Variants in ERGIC3 observed in about 807,000 individuals in gnomAD.
ERGIC3 encodes the protein endoplasmic reticulum-Golgi intermediate compartment protein 3.
ERGIC3 carries 33 observed loss-of-function variants against 54.7 expected under a neutral mutation model. That is an observed-to-expected ratio of 0.60 (90% CI 0.46 to 0.81). ERGIC3 has a LOEUF of 0.81. ERGIC3 is among the 30% of genes least tolerant of loss of function. ERGIC3 has a pLI of 0.00. For missense variants in ERGIC3, 399 were observed against 488.4 expected (o/e 0.82, Z 1.73); for synonymous variants, 186 against 189.8 (o/e 0.98, Z 0.16).
Position 35,556,354 on chromosome 20 carries a change from A to G in ERGIC3, c.879+83A>G, listed in dbSNP as rs2064712194. ...TGCATTTCGTTCCGTCAGCCTGGGG[A>G]GTGAAAGCTGCCTCGTCCTCACATG... is the stretch of plus-strand genomic sequence containing the variant. On this transcript the variant is annotated intron_variant, in intron 10 of 12. Transcript: ENST00000348547. The G allele has an allele frequency of 2.8e-6, 4 of 1,445,716 alleles. No homozygotes were observed. The Admixed American group carries it at 6.8e-5, about 25-fold the overall frequency. The allele number at this position is 1,445,716 out of a possible 1,614,324, so 89.6% of individuals were successfully genotyped here.
chr20:35,547,430 T>G lies in ERGIC3; in HGVS notation c.386T>G (p.Val129Gly). ...CCCTTAGAGCTTGGGAAAGTCGAGG[T>G]GACGGTGTTTGACCCTGACTCCCTG... ...AERHELGKVE[V>G]TVFDPDSLDP... The change falls in exon 5 of 13, where the codon GTG becomes GGG. Residue 129 changes from valine (V) to glycine (G), a missense_variant. Transcript: ENST00000348547. 6.2e-7 allele frequency: 1 copy of G among 1,614,068 alleles called. No individual in the cohort carries two copies. The highest frequency in any genetic ancestry group is 8.5e-7 in the Non-Finnish European group (1 of 1,179,994).
chr20:35,555,825 A>G (rs972442430), intron 8 of ERGIC3, among the ~76,000 whole-genome samples: 5 of 151,808 alleles, frequency 3.3e-5, no homozygotes, highest in South Asian at 2.1e-4. Flanking sequence ...AAAAAAAAAA[A>G]AAAAAGAAAA....
chr20:35,551,944 T>G (rs2064684136), intron 7 of ERGIC3, among the ~76,000 whole-genome samples: 1 of 152,040 alleles, frequency 6.6e-6, no homozygotes, highest in African/African-American at 2.4e-5. Context: ...GAGGGAAATG[T>G]GGAGTCGAGG....
intron 4 of ERGIC3, among the ~76,000 whole-genome samples, chr20:35,545,829 T>C (rs1481975278): frequency 6.6e-6 from 1 of 152,180 alleles, no homozygotes; most frequent in Non-Finnish European, 1.5e-5. Flanking sequence ...TATTTTATAC[T>C]CTGGTGATAT....
chr20:35,551,752 A>G (rs780216475), intron 7 of ERGIC3, among the ~76,000 whole-genome samples: 12 of 152,228 alleles, frequency 7.9e-5, no homozygotes, highest in Non-Finnish European at 1.5e-4. Flanking sequence ...CTGGATGTCA[A>G]GCGGGAATTG....
Position 35,556,963 on chromosome 20 carries a change from C to T in ERGIC3, c.880-10C>T. 1.2e-6 allele frequency: 2 copies of T among 1,614,072 alleles called. No individual in the cohort carries two copies. Among genetic ancestry groups the T allele is most frequent in the South Asian group, 1.1e-5 (1 of 91,060 alleles). ...CCCTAGCCCTGGCCCAGGCTCCCCTCCCACCCCAGGTACTGAGGACAAATC... is the reference window on the plus strand; with the variant it reads ...CCCTAGCCCTGGCCCAGGCTCCCCTTCCACCCCAGGTACTGAGGACAAATC... On this transcript the variant is annotated splice_polypyrimidine_tract_variant and intron_variant, in intron 10 of 12. Coordinates refer to ENST00000348547, the MANE Select transcript of ERGIC3 (RefSeq NM_015966.3).
intron 4 of ERGIC3, 164 bp from the exon 5 acceptor site, chr20:35,547,248 A>T: frequency 1.7e-6 from 1 of 593,668 alleles, no homozygotes; most frequent in Non-Finnish European, 3.0e-6. Flanking sequence ...AAAAGAATTG[A>T]TATGTGTGTA....
intron 7 of ERGIC3, chr20:35,554,224 G>A (rs757961889): frequency 5.7e-6 from 6 of 1,044,572 alleles, no homozygotes; most frequent in Non-Finnish European, 9.0e-6. Context: ...TCGAGGAGGG[G>A]CCCAGAAGGA....
chr20:35,548,767 G>A, intron 6 of ERGIC3, 41 bp from the exon 7 acceptor site: 1 of 1,614,236 alleles, frequency 6.2e-7, no homozygotes, highest in Non-Finnish European at 8.5e-7. Context: ...GTAGGCAAAA[G>A]GAGGACACAG....
chr20:35,549,391 T>C (rs1568870614), intron 7 of ERGIC3: 1 of 367,204 alleles, frequency 2.7e-6, no homozygotes, highest in Non-Finnish European at 5.5e-6. Flanking sequence ...CTCACAGGGC[T>C]GTTGGGGTGA....
chr20:35,554,905 A>G, intron 7 of ERGIC3, 139 bp from the exon 8 acceptor site: 3 of 1,039,662 alleles, frequency 2.9e-6, no homozygotes, highest in Non-Finnish European at 4.5e-6. Context: ...GTCCTTAAGC[A>G]GGACCAGGAG....
At chr20:35,556,627 C>G in intron 10 of ERGIC3, 1 of 493,362 alleles carries the variant, frequency 2.0e-6, no homozygotes, top group Non-Finnish European at 3.7e-6. Flanking sequence ...AGCATCTCAG[C>G]AGAGTGGCAG....
chr20:35,547,286 T>G (rs2064653689), intron 4 of ERGIC3, 126 bp from the exon 5 acceptor site: 1 of 681,266 alleles, frequency 1.5e-6, no homozygotes, highest in Non-Finnish European at 2.7e-6. Flanking sequence ...ACCCGTAGCA[T>G]GTACTATATG....
intron 4 of ERGIC3, 117 bp downstream of exon 4, chr20:35,543,058 A>C (rs2064626374): frequency 1.3e-6 from 2 of 1,506,452 alleles, no homozygotes; most frequent in Non-Finnish European, 1.8e-6. Context: ...GAGCTAGAGA[A>C]GTCAAGTGAC....
Position 35,542,893 on chromosome 20 carries a change from C to T in ERGIC3, c.319C>T (p.Arg107Ter), listed in dbSNP as rs1184510483. 1 of 1,613,952 alleles carries T rather than the reference C, an allele frequency of 6.2e-7. No individual in the cohort carries two copies. Among genetic ancestry groups the T allele is most frequent in the African/African-American group, 1.3e-5 (1 of 74,864 alleles). The change falls in exon 4 of 13, where the codon CGA (arginine) becomes TGA (stop). Residue 107 changes from arginine to a stop codon, truncating the protein, a stop_gained. Coordinates refer to ENST00000348547, the MANE Select transcript of ERGIC3 (RefSeq NM_015966.3). LOFTEE classifies it high-confidence loss of function. ...LDVEHNLFKQ[R>*]LDKDGIPVSS... ...TGTGGAACACAACCTGTTCAAGCAA[C>T]GACTAGATAAAGATGGCATCCCCGT...
chr20:35,543,815 T>G (rs2064630757), intron 4 of ERGIC3: 1 of 434,994 alleles, frequency 2.3e-6, no homozygotes, highest in African/African-American at 2.0e-5. Context: ...GTTTTTTTGG[T>G]GGGAGGGAGG....
chr20:35,542,688 C>G, intron 3 of ERGIC3, 88 bp downstream of exon 3: 1 of 1,599,494 alleles, frequency 6.3e-7, no homozygotes, highest in Non-Finnish European at 8.6e-7. Context: ...AGGTTCTGGA[C>G]TGGACCCCAG....
intron 7 of ERGIC3, among the ~76,000 whole-genome samples, chr20:35,551,715 G>A (rs1337249084): frequency 1.3e-5 from 2 of 152,202 alleles, no homozygotes; most frequent in Non-Finnish European, 2.9e-5. Context: ...CCACGGACGG[G>A]TGTTTCAAAT....
At chr20:35,549,010 C>T (rs1057317898) in intron 7 of ERGIC3, 145 bp downstream of exon 7, 5 of 929,548 alleles carry the variant, frequency 5.4e-6, no homozygotes, top group Non-Finnish European at 8.6e-6. Context: ...CAGTTTGGCA[C>T]AGTGGCTAAG....
Sources: allele counts gnomAD v4.1 joint callset (sites outside exome capture counted in the v4.1 genomes callset), GRCh38; gene constraint gnomAD v4.1.1; transcripts MANE v1.5; gene names NCBI Gene and HGNC (gene_info 2026-07-23, HGNC 2026-07-21).